The following GRM5 variants were observed in gnomAD, a reference collection of about 807,000 sequenced individuals.
GRM5 encodes glutamate metabotropic receptor 5.
Under a neutral mutation model 83.1 loss-of-function variants are expected in GRM5, and 19 were observed. The ratio of observed to expected loss-of-function variants is 0.23; its 90% CI spans 0.16 to 0.34. GRM5 has a LOEUF of 0.34. GRM5 is among the 10% of genes least tolerant of loss of function. The pLI is 1.00. For missense variants in GRM5, 1,160 were observed against 1,588.3 expected (o/e 0.73, Z 4.58); for synonymous variants, 675 against 633.6 (o/e 1.07, Z -0.98).
In GRM5 at chr11:89,047,567, C is replaced by G. The variant is rs199556154; in HGVS notation, c.306G>C (p.Ser102=). ...CAATGCTCTGCTCTAGGGCCACAGC[C>G]GAATGCCAGCAGGAGTCCCTTATCT... The part of the protein sequence containing the change: ...GCEIRDSCWH[S]AVALEQSIEF... The change falls in exon 2 of 10, where the codon TCG becomes TCC. Residue 102 remains serine, a synonymous_variant. Coordinates refer to ENST00000305447, the MANE Select transcript of GRM5 (RefSeq NM_001143831.3). The surrounding 1 kb of genome is among the most constrained non-coding windows in gnomAD (Gnocchi z 5.1). The G allele has an allele frequency of 4.3e-6, 7 of 1,614,112 alleles. No individual in the cohort carries two copies. In the Admixed American group the frequency reaches 1.0e-4, roughly 23 times the overall value.
At chr11:88,777,688 G>C (rs1031640381) in intron 3 of GRM5, among the ~76,000 whole-genome samples, 8 of 152,150 alleles carry the variant, frequency 5.3e-5, no homozygotes, top group Non-Finnish European at 1.2e-4. Context: ...CTAACAGTCA[G>C]GTCCCTCAGC....
intron 2 of GRM5, among the ~76,000 whole-genome samples, chr11:89,012,594 G>A (rs999076951): frequency 1.3e-5 from 2 of 152,172 alleles, no homozygotes; most frequent in African/African-American, 4.8e-5. Flanking sequence ...AATCCACTAA[G>A]AGAATCAAGA....
At chr11:88,891,390 C>G (rs909627337) in intron 2 of GRM5, among the ~76,000 whole-genome samples, 4 of 151,952 alleles carry the variant, frequency 2.6e-5, no homozygotes, top group African/African-American at 9.7e-5. Context: ...AACAGACATA[C>G]CAAAATCAAA....
chr11:89,051,686 G>C (rs926906816), intron 1 of GRM5, among the ~76,000 whole-genome samples: 2 of 152,100 alleles, frequency 1.3e-5, no homozygotes, highest in African/African-American at 4.8e-5. Context: ...CTCCAGCCTG[G>C]GTGAAAGAGT....
intron 2 of GRM5, among the ~76,000 whole-genome samples, chr11:88,986,884 T>C (rs964670017): frequency 6.6e-6 from 1 of 152,052 alleles, no homozygotes; most frequent in Non-Finnish European, 1.5e-5. Flanking sequence ...TAGTTAATTT[T>C]TGTATGTAAG....
At chr11:88,971,249 T>G (rs1284596351) in intron 2 of GRM5, among the ~76,000 whole-genome samples, 1 of 152,198 alleles carries the variant, frequency 6.6e-6, no homozygotes, top group African/African-American at 2.4e-5. Context: ...TGCATATTAT[T>G]TGTATACATA....
chr11:88,648,244 G>T (rs1270050421), intron 4 of GRM5, among the ~76,000 whole-genome samples: 5 of 149,746 alleles, frequency 3.3e-5, no homozygotes, highest in Non-Finnish European at 7.5e-5. Flanking sequence ...CAAAGACTTG[G>T]AACCAATCCA....
chr11:88,511,216 T>C (rs985383013), intron 9 of GRM5, among the ~76,000 whole-genome samples: 6 of 152,194 alleles, frequency 3.9e-5, no homozygotes, highest in African/African-American at 1.4e-4. Flanking sequence ...CATCCTTTTC[T>C]TCTAAATCCC....
chr11:89,030,283 A>G (rs562134248), intron 2 of GRM5, among the ~76,000 whole-genome samples: 105 of 152,242 alleles, frequency 6.9e-4, no homozygotes, highest in Middle Eastern at 3.4e-3. Flanking sequence ...AGAGAGCCCA[A>G]ATGCTTTTTT....
intron 8 of GRM5, among the ~76,000 whole-genome samples, chr11:88,530,454 G>C (rs1018347489): frequency 9.2e-5 from 14 of 151,978 alleles, no homozygotes; most frequent in African/African-American, 2.6e-4. Context: ...TGTTGTTGTT[G>C]TTCTTCTTCT....
At chr11:88,734,372 T>G (rs750576306) in intron 3 of GRM5, among the ~76,000 whole-genome samples, 2 of 151,986 alleles carry the variant, frequency 1.3e-5, no homozygotes, top group Non-Finnish European at 2.9e-5. Flanking sequence ...CCTTGTACAC[T>G]GTTGGGAGGA....
intron 2 of GRM5, among the ~76,000 whole-genome samples, chr11:88,967,145 T>C (rs1191211424): frequency 6.6e-6 from 1 of 151,624 alleles, no homozygotes; most frequent in Non-Finnish European, 1.5e-5. Flanking sequence ...AAGCCAAGCA[T>C]AATGAATTCC....
intron 7 of GRM5, among the ~76,000 whole-genome samples, chr11:88,579,575 G>C (rs1431509020): frequency 6.6e-6 from 1 of 152,158 alleles, no homozygotes; most frequent in Non-Finnish European, 1.5e-5. Context: ...GTGGTTATCT[G>C]CAGTAAAGCC....
intron 2 of GRM5, among the ~76,000 whole-genome samples, chr11:89,001,953 C>T (rs951699520): frequency 5.3e-5 from 8 of 151,952 alleles, no homozygotes; most frequent in Non-Finnish European, 7.4e-5. Flanking sequence ...CTAACTGAAG[C>T]GTAATTTTTA....
chr11:88,683,055 A>G (rs1251109702), intron 3 of GRM5, among the ~76,000 whole-genome samples: 1 of 152,048 alleles, frequency 6.6e-6, no homozygotes, highest in Non-Finnish European at 1.5e-5. Flanking sequence ...AAAACAAGAT[A>G]CTTCCCTCCC....
chr11:89,053,515 A>C (rs972598942), intron 1 of GRM5, among the ~76,000 whole-genome samples: 6 of 152,316 alleles, frequency 3.9e-5, no homozygotes, highest in Admixed American at 2.6e-4. Flanking sequence ...TTTTCTATAA[A>C]TGTTTATTCA....
intron 3 of GRM5, among the ~76,000 whole-genome samples, chr11:88,776,612 G>A (rs901842791): frequency 6.6e-6 from 1 of 152,154 alleles, no homozygotes; most frequent in Non-Finnish European, 1.5e-5. Flanking sequence ...CTTCCTGCGG[G>A]AGCTCTTGTA....
intron 4 of GRM5, among the ~76,000 whole-genome samples, chr11:88,639,055 T>C (rs879792076): frequency 6.6e-6 from 1 of 152,184 alleles, no homozygotes; most frequent in African/African-American, 2.4e-5. Flanking sequence ...AGGTGGAAGC[T>C]GTGGCCATTG....
intron 2 of GRM5, among the ~76,000 whole-genome samples, chr11:89,018,225 T>A (rs929618898): frequency 1.1e-4 from 17 of 152,138 alleles, no homozygotes; most frequent in African/African-American, 3.9e-4. Context: ...GTAGTGTCTA[T>A]AGGCCAAATA....
Sources: gnomAD v4.1 joint callset for allele counts (sites outside exome capture counted in the v4.1 genomes callset) on GRCh38, gnomAD v4.1.1 for gene constraint, Gnocchi (gnomAD v3.1) non-coding constraint, MANE v1.5 for transcripts, NCBI Gene and HGNC (gene_info 2026-07-23, HGNC 2026-07-21) for gene names.